TXNL4A: variants seen among roughly 807,000 people sequenced by gnomAD.
TXNL4A encodes thioredoxin-like protein 4A.
Under a neutral mutation model 14.6 loss-of-function variants are expected in TXNL4A, and 17 were observed. The observed-to-expected ratio is 1.16, with a 90% CI of 0.80 to 1.74. The LOEUF (loss-of-function observed/expected upper bound fraction) is 1.74. Among genes scored for constraint, TXNL4A ranks in the 40% most tolerant of loss-of-function variants. TXNL4A has a pLI of 0.00. For missense variants in TXNL4A, 74 were observed against 195.2 expected, an observed-to-expected ratio of 0.38 and a Z score of 3.70; for synonymous variants, 83 against 70.6, an observed-to-expected ratio of 1.18 and a Z score of -0.88.
At chr18:80,015,258 A>C (rs1253452780) in intron 1 of TXNL4A, among the ~76,000 whole-genome samples, 1 of 152,176 alleles carries the variant, frequency 6.6e-6, no homozygotes, top group Non-Finnish European at 1.5e-5. Flanking sequence ...CCTCAAAAAA[A>C]AAAATGGACT....
chr18:80,015,355 A>AAAT (rs200859041), intron 1 of TXNL4A, among the ~76,000 whole-genome samples: 2 of 148,504 alleles, frequency 1.3e-5, no homozygotes, highest in Non-Finnish European at 1.5e-5. Context: ...TTTTTTAAAA[A>AAAT]ATTATTATTA....
rs150021406 is a variant in TXNL4A, at chr18:79,973,974, G to A, written c.258-118C>T. 1.5e-3 allele frequency: 2,066 copies of A among 1,408,432 alleles called. 29 individuals are homozygous for A. Among genetic ancestry groups the A allele is most frequent in the South Asian group, 0.014 (1,061 of 73,828 alleles). The allele number at this position is 1,408,432 out of a possible 1,614,324, so 87.2% of individuals were successfully genotyped here. ...GCTCTTGTTAACATCACTGAAGAAC[G>A]CATAAAATCGAGAGTGTATGCCATG... is the stretch of plus-strand genomic sequence containing the variant. On this transcript the variant is annotated intron_variant, in intron 2 of 2. Coordinates refer to ENST00000269601, the MANE Select transcript of TXNL4A (RefSeq NM_006701.5).
chr18:79,999,013 T>C (rs3952518), intron 1 of TXNL4A, among the ~76,000 whole-genome samples: 14 of 152,110 alleles, frequency 9.2e-5, no homozygotes, highest in African/African-American at 1.7e-4. Context: ...GTTTCCTTAC[T>C]AGAGGTAATT....
intron 1 of TXNL4A, among the ~76,000 whole-genome samples, chr18:80,020,051 G>A (rs1479718035): frequency 6.6e-6 from 1 of 152,160 alleles, no homozygotes; most frequent in Non-Finnish European, 1.5e-5. Flanking sequence ...ATTGAATTGT[G>A]GGGGCGGGTC....
In TXNL4A at chr18:80,023,116, CT is replaced by C. The variant is rs546171941; in HGVS notation, c.-61+10734del. On this transcript the variant is annotated intron_variant, in intron 1 of 2. Coordinates refer to the TXNL4A transcript ENST00000585474. ...CTGATTAACTTTCAAACACAAAATT[CT>C]TTTTTTTCTTTAAATCCCATTGTCA... Among the ~76,000 whole-genome samples, 313 of 152,158 alleles carry C rather than the reference CT, an allele frequency of 2.1e-3. 3 individuals carry two copies. Among genetic ancestry groups the C allele is most frequent in the Middle Eastern group, 3.4e-3 (1 of 294 alleles).
At chr18:80,003,070 T>C (rs2051707784) in intron 1 of TXNL4A, among the ~76,000 whole-genome samples, 1 of 152,262 alleles carries the variant, frequency 6.6e-6, no homozygotes. Context: ...GAGATGGGTG[T>C]GTCTGTCCAG....
At chr18:80,030,587 A>G (rs2051914317) in intron 1 of TXNL4A, 1 of 152,252 alleles carries the variant, frequency 6.6e-6, no homozygotes, top group African/African-American at 2.4e-5. Context: ...ACTGGATAGA[A>G]TACCAAAAAT....
rs143188181 is a variant in TXNL4A at position 79,999,832 on chromosome 18, G to A, written c.-60-22131C>T. Among the ~76,000 whole-genome samples, 1,301 of 152,234 alleles carry A rather than the reference G, an allele frequency of 8.5e-3. 18 individuals are homozygous for A. The highest frequency in any genetic ancestry group is 0.028 in the South Asian group (134 of 4,822). On this transcript the variant is annotated intron_variant, in intron 1 of 2. Coordinates refer to the TXNL4A transcript ENST00000585474. ...ACCCAGTGGGAGATAATTGAATCAC[G>A]GGGGCAGTTTCCCTCATGCTGTTCT...
chr18:79,977,823 T>C, intron 1 of TXNL4A, 122 bp from the exon 2 acceptor site: 1 of 606,974 alleles, frequency 1.6e-6, no homozygotes, highest in Non-Finnish European at 2.9e-6. Flanking sequence ...TTGTTTTGTT[T>C]TTTTGAGACA....
intron 1 of TXNL4A, among the ~76,000 whole-genome samples, chr18:80,006,575 A>G (rs993255850): frequency 6.6e-6 from 1 of 152,144 alleles, no homozygotes; most frequent in Non-Finnish European, 1.5e-5. Context: ...TTTACTTATA[A>G]AAGTTGAAAG....
chr18:79,986,870 T>G, intron 1 of TXNL4A: 1 of 640,122 alleles, frequency 1.6e-6, no homozygotes, highest in Non-Finnish European at 1.9e-6. Context: ...TATCTGCCCT[T>G]GTCCACTACA....
intron 1 of TXNL4A, among the ~76,000 whole-genome samples, chr18:80,026,465 G>A (rs911835131): frequency 2.0e-5 from 3 of 151,996 alleles, no homozygotes; most frequent in Non-Finnish European, 2.9e-5. Context: ...GGAGTTTCAC[G>A]TCTCCAAATA....
intron 1 of TXNL4A, among the ~76,000 whole-genome samples, chr18:80,027,556 T>C (rs1036172597): frequency 2.0e-5 from 3 of 152,220 alleles, no homozygotes; most frequent in Non-Finnish European, 4.4e-5. Flanking sequence ...GGGCAATATA[T>C]GTGGACGGTA....
At chr18:80,033,097 T>C (rs566556374) in intron 1 of TXNL4A, among the ~76,000 whole-genome samples, 255 of 152,298 alleles carry the variant, frequency 1.7e-3, no homozygotes, top group African/African-American at 5.6e-3. Context: ...GGGTGCGTCC[T>C]TAACTTTGGC....
chr18:79,984,250 C>T (rs983788946), intron 1 of TXNL4A, among the ~76,000 whole-genome samples: 2 of 152,098 alleles, frequency 1.3e-5, no homozygotes, highest in Non-Finnish European at 2.9e-5. Flanking sequence ...TAATATGGCT[C>T]CTATGAAGTT....
At chr18:79,977,815 GT>G in intron 1 of TXNL4A, 114 bp from the exon 2 acceptor site, 1 of 295,696 alleles carries the variant, frequency 3.4e-6, no homozygotes, top group South Asian at 6.6e-5. Context: ...GGCAATTTTT[GT>G]TTTGTTTTTT....
upstream of TXNL4A, among the ~76,000 whole-genome samples, chr18:79,991,035 G>C (rs1423412180): frequency 6.6e-6 from 1 of 151,628 alleles, no homozygotes; most frequent in Non-Finnish European, 1.5e-5. Flanking sequence ...GTGAACCCGG[G>C]AGGCGGAGCT....
intron 1 of TXNL4A, among the ~76,000 whole-genome samples, chr18:80,016,084 G>A (rs1253939279): frequency 6.9e-6 from 1 of 145,094 alleles, no homozygotes; most frequent in Admixed American, 6.9e-5. Context: ...TCTCATTGTG[G>A]TTTTGATTTG....
chr18:80,030,800 C>G (rs1487845983), intron 1 of TXNL4A, among the ~76,000 whole-genome samples: 2 of 152,102 alleles, frequency 1.3e-5, no homozygotes, highest in Non-Finnish European at 2.9e-5. Flanking sequence ...AACCCTGTCT[C>G]TACTAAAAAT....
Sources: allele counts gnomAD v4.1 joint callset (sites outside exome capture counted in the v4.1 genomes callset), GRCh38; gene constraint gnomAD v4.1.1; transcripts MANE v1.5; gene names NCBI Gene and HGNC (gene_info 2026-07-23, HGNC 2026-07-21).